The following CPD variants were observed in gnomAD, a reference collection of about 807,000 sequenced individuals.
CPD encodes carboxypeptidase D.
Under a neutral mutation model 138.3 loss-of-function variants are expected in CPD, and 69 were observed. The observed-to-expected ratio is 0.50, with a 90% CI of 0.41 to 0.61. CPD has a LOEUF of 0.61. CPD is among the 20% of genes least tolerant of loss of function. The pLI is 0.00. For missense variants in CPD, 1,432 were observed against 1,733.3 expected (o/e 0.83, Z 3.09); for synonymous variants, 651 against 642.1 (o/e 1.01, Z -0.21).
chr17:30,404,471 A>G (rs1490973690), intron 2 of CPD, among the ~76,000 whole-genome samples: 1 of 152,148 alleles, frequency 6.6e-6, no homozygotes, highest in Non-Finnish European at 1.5e-5. Flanking sequence ...AAATGGCTGC[A>G]TAGTAGCCCA....
rs141390381 is a variant in CPD, at chr17:30,456,257, G to A, written c.3339G>A (p.Val1113=). The change falls in exon 16 of 21, where the codon GTG becomes GTA. Residue 1113 remains valine (V), a splice_region_variant and synonymous_variant. Transcript: ENST00000225719. The part of the protein sequence containing the change: ...TYPYDKPVQT[V]ENKETLKHLA... ...ACTTCTAAATTTTTCTTTCTATAGT[G>A]GAAAATAAAGAGACTCTGAAGCATT... The A allele has an allele frequency of 3.2e-4, 511 of 1,610,786 alleles. 1 individual carries two copies. The highest frequency in any genetic ancestry group is 6.0e-4 in the South Asian group (54 of 90,172).
At chr17:30,456,174 T>C in intron 15 of CPD, 82 bp from the exon 16 acceptor site, 1 of 1,026,550 alleles carries the variant, frequency 9.7e-7, no homozygotes, top group Non-Finnish European at 1.5e-6. Flanking sequence ...GAGAAAAAGA[T>C]GACTTGTATC....
intron 2 of CPD, among the ~76,000 whole-genome samples, chr17:30,416,193 G>A (rs571684764): frequency 3.4e-4 from 52 of 152,266 alleles, no homozygotes; most frequent in Middle Eastern, 3.4e-3. Flanking sequence ...TTAGCCGGGC[G>A]TAGTGCTGCA....
intron 2 of CPD, among the ~76,000 whole-genome samples, chr17:30,401,447 T>A (rs1447547287): frequency 1.3e-5 from 2 of 151,340 alleles, no homozygotes; most frequent in Non-Finnish European, 2.9e-5. Flanking sequence ...CTTCCTCATC[T>A]TCTTCTTCTT....
At chr17:30,439,228 A>G (rs1300301261) in intron 9 of CPD, 151 bp downstream of exon 9, 1 of 509,716 alleles carries the variant, frequency 2.0e-6, no homozygotes, top group East Asian at 3.7e-5. Context: ...TAATCTTTTC[A>G]ACTACTTTTA....
chr17:30,424,049 A>G (rs1050685087), intron 6 of CPD, among the ~76,000 whole-genome samples: 14 of 152,166 alleles, frequency 9.2e-5, no homozygotes, highest in Non-Finnish European at 1.3e-4. Flanking sequence ...ATGAGTGACC[A>G]TGGCCCATGA....
intron 2 of CPD, among the ~76,000 whole-genome samples, chr17:30,407,778 C>G (rs528085625): frequency 6.6e-6 from 1 of 152,062 alleles, no homozygotes; most frequent in East Asian, 1.9e-4. Context: ...CCTGTTCACT[C>G]TGATGGTAGT....
chr17:30,437,608 G>A (rs752407733), intron 8 of CPD, among the ~76,000 whole-genome samples: 1 of 152,096 alleles, frequency 6.6e-6, no homozygotes, highest in Non-Finnish European at 1.5e-5. Context: ...TCACTTGAGC[G>A]TGGGGAGATT....
intron 1 of CPD, among the ~76,000 whole-genome samples, chr17:30,381,020 A>G (rs1911027491): frequency 6.6e-6 from 1 of 152,232 alleles, no homozygotes; most frequent in South Asian, 2.1e-4. Flanking sequence ...TCAGTCATAT[A>G]TAGAAGATCT....
At chr17:30,402,711 G>A (rs1184061746) in intron 2 of CPD, among the ~76,000 whole-genome samples, 1 of 152,040 alleles carries the variant, frequency 6.6e-6, no homozygotes, top group East Asian at 1.9e-4. Context: ...AATATATTGA[G>A]CTTTTACTGG....
In CPD at chr17:30,379,043, CCTG is replaced by C. The variant is rs761711508; in HGVS notation, c.73_75del (p.Leu25del). The C allele has an allele frequency of 7.7e-6, 12 of 1,561,846 alleles. No homozygotes were observed. The highest frequency in any genetic ancestry group is 7.5e-5 in the East Asian group (3 of 39,830). On this transcript the variant is annotated inframe_deletion, in exon 1 of 21. Transcript: ENST00000225719. The surrounding 1 kb of genome is among the most constrained non-coding windows in gnomAD (Gnocchi z 7.0). ...TAGGGCGGCTCCTGTTGCTCATGTG[CCTG>C]CTGCTGCTGGGGAGCTCGGCCCGGG...
chr17:30,381,122 A>T (rs1410094865), intron 1 of CPD, among the ~76,000 whole-genome samples: 2 of 152,210 alleles, frequency 1.3e-5, no homozygotes, highest in Non-Finnish European at 2.9e-5. Flanking sequence ...GTAGATATAT[A>T]ATTTCACATA....
At chr17:30,401,226 T>G (rs1169712682) in intron 2 of CPD, among the ~76,000 whole-genome samples, 1 of 141,982 alleles carries the variant, frequency 7.0e-6, no homozygotes, top group Non-Finnish European at 1.5e-5. Context: ...TGCTTCTGCT[T>G]CTTCTGCTTC....
intron 2 of CPD, among the ~76,000 whole-genome samples, chr17:30,410,276 A>G (rs1024838353): frequency 2.0e-5 from 3 of 152,188 alleles, no homozygotes; most frequent in Non-Finnish European, 4.4e-5. Flanking sequence ...TTTACTTCCA[A>G]TTATGAGGTC....
In CPD at chr17:30,464,850, A is replaced by G. The variant is rs1323166277; in HGVS notation, c.*36A>G. The G allele has an allele frequency of 1.3e-6, 2 of 1,535,830 alleles. No homozygotes were observed. Among genetic ancestry groups the G allele is most frequent in the African/African-American group, 1.4e-5 (1 of 73,446 alleles). ...TTGCATATCTCCCAGCATAAGTACC[A>G]AGCAAAATTACAGTTCCTCTTGGGA... On this transcript the variant is annotated 3_prime_UTR_variant, in exon 21 of 21. Coordinates refer to ENST00000225719, the MANE Select transcript of CPD (RefSeq NM_001304.5).
intron 2 of CPD, among the ~76,000 whole-genome samples, chr17:30,410,296 A>G (rs952461612): frequency 1.4e-4 from 21 of 152,164 alleles, no homozygotes; most frequent in Non-Finnish European, 2.5e-4. Context: ...CAATTTTCGC[A>G]TAAGTGTGAT....
rs2143395527 is a variant in CPD, at chr17:30,415,105, A to G, written c.995-5736A>G. Among the ~76,000 whole-genome samples, 2 of 152,344 alleles carry G rather than the reference A, an allele frequency of 1.3e-5. 1 individual carries two copies. Among genetic ancestry groups the G allele is most frequent in the South Asian group, 4.1e-4 (2 of 4,826 alleles). ...TGCCTTTGTTCTCTTTCATCTTTTC[A>G]GTAAATGGCACTACTATCTCCCTGA... On this transcript the variant is annotated intron_variant, in intron 2 of 20. Transcript: ENST00000225719.
chr17:30,423,623 C>T lies in CPD; in HGVS notation c.1775C>T (p.Thr592Ile). ...AACTTTGGAACAGACCCTGAAGTCA[C>T]AGATTTGGTTCATAACACTAGAATT... ...CKNFGTDPEV[T>I]DLVHNTRIHL... Residue 592 changes from threonine to isoleucine, a missense_variant, in exon 6 of 21, where the codon ACA becomes ATA. Thr to Ile is a moderately conservative substitution (Grantham distance 89, BLOSUM62 -1). Around this residue, in one of 6 missense-constraint regions of CPD, gnomAD observed 297 missense variants for 405.3 expected, o/e 0.73. Transcript: ENST00000225719. 6 of 1,612,572 alleles carry T rather than the reference C, an allele frequency of 3.7e-6. No homozygotes were observed. The highest frequency in any genetic ancestry group is 5.1e-6 in the Non-Finnish European group (6 of 1,179,370).
At chr17:30,390,067 G>A (rs934105594) in intron 2 of CPD, among the ~76,000 whole-genome samples, 1 of 150,992 alleles carries the variant, frequency 6.6e-6, no homozygotes. Context: ...TGCCCAGGCT[G>A]GAGTGCAGGC....
Sources: gnomAD v4.1 joint callset for allele counts (sites outside exome capture counted in the v4.1 genomes callset) on GRCh38, gnomAD v4.1.1 for gene constraint, gnomAD v4.1.1 regional missense constraint, Gnocchi (gnomAD v3.1) non-coding constraint, MANE v1.5 for transcripts, NCBI Gene and HGNC (gene_info 2026-07-23, HGNC 2026-07-21) for gene names.